CSTPP1: variants seen among roughly 807,000 people sequenced by gnomAD.
The protein encoded by CSTPP1 is UPF0705 protein C11orf49.
chr11:47,135,098 C>T, the CSTPP1 span, among the ~76,000 whole-genome samples: 1 of 151,770 alleles, frequency 6.6e-6, no homozygotes, highest in Non-Finnish European at 1.5e-5. Context: ...GTGAGGCCCC[C>T]ATCTCAAAAC....
chr11:47,150,794 T>G, the CSTPP1 span, among the ~76,000 whole-genome samples: 1 of 127,930 alleles, frequency 7.8e-6, no homozygotes, highest in Non-Finnish European at 1.6e-5. Flanking sequence ...AGTGGGGGAG[T>G]CGAGGGAGGC....
the CSTPP1 span, among the ~76,000 whole-genome samples, chr11:47,087,974 G>A: frequency 6.6e-6 from 1 of 152,096 alleles, no homozygotes. Context: ...TCATGTGGGA[G>A]GCCTCAGATC....
the CSTPP1 span, among the ~76,000 whole-genome samples, chr11:47,047,934 G>T: frequency 6.6e-6 from 1 of 152,182 alleles, no homozygotes; most frequent in African/African-American, 2.4e-5. Flanking sequence ...TTGGTAAAAT[G>T]CAAATCAAAA....
chr11:47,096,919 A>G, the CSTPP1 span, among the ~76,000 whole-genome samples: 1 of 152,242 alleles, frequency 6.6e-6, no homozygotes, highest in Non-Finnish European at 1.5e-5. Flanking sequence ...AAGCCATAGC[A>G]AATTTGAAGT....
At chr11:47,074,222 A>G in the CSTPP1 span, among the ~76,000 whole-genome samples, 2 of 151,986 alleles carry the variant, frequency 1.3e-5, no homozygotes, top group African/African-American at 2.4e-5. Context: ...AAAAAGCACC[A>G]GTTGCCATGG....
the CSTPP1 span, among the ~76,000 whole-genome samples, chr11:47,039,746 C>G: frequency 1.6e-5 from 2 of 127,708 alleles, no homozygotes; most frequent in African/African-American, 2.5e-5. Flanking sequence ...GGCTGAGGCA[C>G]GAGAATGGCA....
chr11:47,120,471 G>T, the CSTPP1 span, among the ~76,000 whole-genome samples: 7 of 152,146 alleles, frequency 4.6e-5, no homozygotes, highest in African/African-American at 7.2e-5. This position sits in a 1 kb window ranked among gnomAD's most constrained non-coding sequence, Gnocchi z 4.2. Context: ...AGAGCAAAAG[G>T]CCTGATCTAT....
chr11:47,124,819 A>G, the CSTPP1 span, among the ~76,000 whole-genome samples: 1 of 152,120 alleles, frequency 6.6e-6, no homozygotes. Flanking sequence ...TACTTTTTGT[A>G]TGCCTGCCAG....
At chr11:47,153,072 T>A in the CSTPP1 span, among the ~76,000 whole-genome samples, 1 of 152,194 alleles carries the variant, frequency 6.6e-6, no homozygotes, top group East Asian at 1.9e-4. Context: ...TGGAGGTCTT[T>A]GCTAACCCCA....
chr11:46,998,737 G>GT, the CSTPP1 span, among the ~76,000 whole-genome samples: 1,560 of 149,870 alleles, frequency 0.01, 19 homozygotes, highest in African/African-American at 0.032. Flanking sequence ...TTTTTGTTTT[G>GT]TTTTTTTTTG....
At chr11:47,017,458 C>T in the CSTPP1 span, among the ~76,000 whole-genome samples, 1 of 152,054 alleles carries the variant, frequency 6.6e-6, no homozygotes, top group Non-Finnish European at 1.5e-5. Context: ...CAGGCGTGAG[C>T]CACAGTGCCC....
the CSTPP1 span, among the ~76,000 whole-genome samples, chr11:47,118,102 A>G: frequency 6.7e-6 from 1 of 149,180 alleles, no homozygotes; most frequent in Non-Finnish European, 1.5e-5. Flanking sequence ...CTGGTCTCAA[A>G]CCCCCGACCT....
the CSTPP1 span, among the ~76,000 whole-genome samples, chr11:47,150,646 G>A: frequency 1.3e-5 from 2 of 152,178 alleles, no homozygotes; most frequent in Non-Finnish European, 2.9e-5. Flanking sequence ...TCCGGTAGGT[G>A]AGGAGGAGGC....
At chr11:47,111,596 A>G in the CSTPP1 span, among the ~76,000 whole-genome samples, 2 of 152,034 alleles carry the variant, frequency 1.3e-5, no homozygotes, top group East Asian at 1.9e-4. Context: ...TATTGATGCT[A>G]TGTTGACTTT....
the CSTPP1 span, among the ~76,000 whole-genome samples, chr11:46,981,753 G>T: frequency 6.6e-6 from 1 of 151,782 alleles, no homozygotes; most frequent in Admixed American, 6.6e-5. Flanking sequence ...AACCTCTCTA[G>T]TTTTTAAAAA....
the CSTPP1 span, among the ~76,000 whole-genome samples, chr11:47,100,323 C>T: frequency 2.6e-5 from 4 of 152,124 alleles, no homozygotes; most frequent in African/African-American, 9.7e-5. Context: ...TTTATATTCC[C>T]CTTAATATGT....
At chr11:47,024,377 T>TC in the CSTPP1 span, among the ~76,000 whole-genome samples, 4 of 143,654 alleles carry the variant, frequency 2.8e-5, no homozygotes, top group South Asian at 2.2e-4. Flanking sequence ...TCTCTCTCTC[T>TC]TTTTTTTTTT....
the CSTPP1 span, among the ~76,000 whole-genome samples, chr11:46,985,310 T>C: frequency 3.3e-5 from 5 of 152,204 alleles, no homozygotes; most frequent in Non-Finnish European, 7.3e-5. Context: ...TTTATGAGCT[T>C]CACTAGACTA....
At chr11:46,982,413 C>T in the CSTPP1 span, among the ~76,000 whole-genome samples, 1 of 151,882 alleles carries the variant, frequency 6.6e-6, no homozygotes, top group African/African-American at 2.4e-5. Flanking sequence ...TCCAGTGAGA[C>T]TTAGTTATTC....
Sources: allele counts gnomAD v4.1 joint callset (sites outside exome capture counted in the v4.1 genomes callset), GRCh38; gene constraint gnomAD v4.1.1; non-coding constraint Gnocchi (gnomAD v3.1); transcripts MANE v1.5; gene names NCBI Gene and HGNC (gene_info 2026-07-23, HGNC 2026-07-21).